The following SPATA31D1 variants were observed in gnomAD, a reference collection of about 807,000 sequenced individuals.
SPATA31D1 encodes SPATA31 subfamily D member 1, also known as spermatogenesis-associated protein 31D1.
SPATA31D1 carries 6 observed loss-of-function variants against 13.2 expected under a neutral mutation model. That is an observed-to-expected ratio of 0.46 (90% CI 0.25 to 0.90). SPATA31D1 has a LOEUF of 0.90. SPATA31D1 is among the 40% of genes least tolerant of loss of function. The pLI is 0.18. For missense variants in SPATA31D1, 2,445 were observed against 1,884.7 expected (o/e 1.30, Z -5.50); for synonymous variants, 903 against 718.8 (o/e 1.26, Z -4.10).
Position 81,990,778 on chromosome 9 carries a change from G to C in SPATA31D1, c.308G>C (p.Gly103Ala), listed in dbSNP as rs1286478884. Residue 103 changes from glycine (G) to alanine (A), a missense_variant, in exon 4 of 4, where the codon GGA becomes GCA. Transcript: ENST00000344803. ...TGTTCTGGTCCTGACTGCAGCTTTG[G>C]ACCTCCTGTTTCCTGCAGTCCTCGG... is the stretch of plus-strand genomic sequence containing the variant. ...RKLLSLLKSF[G>A]PPVSCSPRGQ... The C allele has an allele frequency of 6.2e-7, 1 of 1,608,552 alleles. No homozygotes were observed. The highest frequency in any genetic ancestry group is 8.5e-7 in the Non-Finnish European group (1 of 1,177,226).
chr9:81,994,139 T>C lies in SPATA31D1; in HGVS notation c.3669T>C (p.Thr1223=). 1 of 1,614,030 alleles carries C rather than the reference T, an allele frequency of 6.2e-7. No homozygotes were observed. Among genetic ancestry groups the C allele is most frequent in the South Asian group, 1.1e-5 (1 of 91,084 alleles). Reference sequence around the variant, plus strand: ...ATAGCCAACCTCAGAGCCATTTCACTGACATGTCTTTTGCCTTAGATAACT... The same window carrying C: ...ATAGCCAACCTCAGAGCCATTTCACCGACATGTCTTTTGCCTTAGATAACT... ...RKHSQPQSHF[T]DMSFALDNLS... The change falls in exon 4 of 4, where the codon ACT becomes ACC. Residue 1223 remains threonine, a synonymous_variant. Coordinates refer to ENST00000344803, the MANE Select transcript of SPATA31D1 (RefSeq NM_001001670.3).
Position 81,992,806 on chromosome 9 carries a change from C to T in SPATA31D1, c.2336C>T (p.Thr779Ile), listed in dbSNP as rs1469560281. Reference protein sequence around the residue: ...VGNYQGYSQETVPKDHLLHGP... With the variant: ...VGNYQGYSQEIVPKDHLLHGP... ...AATTATCAGGGATACAGCCAGGAGACTGTCCCAAAAGATCACCTGTTGCAT... is the reference window on the plus strand; with the variant it reads ...AATTATCAGGGATACAGCCAGGAGATTGTCCCAAAAGATCACCTGTTGCAT... Residue 779 changes from threonine (T) to isoleucine (I), a missense_variant, in exon 4 of 4, where the codon ACT becomes ATT. Thr to Ile is a moderately conservative substitution (Grantham distance 89). Coordinates refer to ENST00000344803, the MANE Select transcript of SPATA31D1 (RefSeq NM_001001670.3). 1.2e-6 allele frequency: 2 copies of T among 1,613,706 alleles called. No homozygotes were observed. The highest frequency in any genetic ancestry group is 1.7e-6 in the Non-Finnish European group (2 of 1,179,734).
At position 81,988,786 on chromosome 9, in the gene SPATA31D1, T is replaced by C. The variant is rs1168784741; in HGVS notation, c.-33T>C. On this transcript the variant is annotated 5_prime_UTR_variant, in exon 1 of 4. Coordinates refer to ENST00000344803, the MANE Select transcript of SPATA31D1 (RefSeq NM_001001670.3). The stretch of plus-strand genomic sequence containing the variant: ...AGTTAAGCCTGGGCACCCTCAGTGC[T>C]CAGTTGCTTCAGGCAGCTGAGCTAT... 1.9e-6 allele frequency: 3 copies of C among 1,611,992 alleles called. No homozygotes were observed. The highest frequency in any genetic ancestry group is 2.5e-6 in the Non-Finnish European group (3 of 1,179,672).
intron 1 of SPATA31D1, 122 bp from the exon 2 acceptor site, chr9:81,989,651 TATTTC>T: frequency 3.8e-6 from 4 of 1,055,672 alleles, no homozygotes; most frequent in Non-Finnish European, 5.5e-6. Context: ...AACAGGAACA[TATTTC>T]TATTAATTAA....
rs1228385085 is a variant in SPATA31D1, at chr9:81,994,540, C to G, written c.4070C>G (p.Ser1357Cys). ...ENLFRKWMKT[S>C]LQWFNKPSIS... is the part of the protein sequence containing the mutation. ...CTTTTCAGAAAATGGATGAAGACCT[C>G]TTTGCAGTGGTTTAATAAACCCAGC... Residue 1357 changes from serine (S) to cysteine (C), a missense_variant, in exon 4 of 4, where the codon TCT (serine) becomes TGT (cysteine). By Grantham distance (112) the Ser-to-Cys change is moderately radical. Transcript: ENST00000344803. 1.2e-6 allele frequency: 2 copies of G among 1,613,438 alleles called. No homozygotes were observed. Among genetic ancestry groups the G allele is most frequent in the South Asian group, 2.2e-5 (2 of 90,932 alleles).
In SPATA31D1 at chr9:81,991,092, T is replaced by G; in HGVS notation, c.622T>G (p.Leu208Val). 1.2e-6 allele frequency: 2 copies of G among 1,613,626 alleles called. No individual in the cohort carries two copies. The highest frequency in any genetic ancestry group is 2.2e-5 in the South Asian group (2 of 91,058). Residue 208 changes from leucine (L) to valine (V), a missense_variant, in exon 4 of 4, where the codon TTA becomes GTA. Transcript: ENST00000344803. ...LILSPDLITT[L>V]ADLFSPSPLR... ...TCTCTCACCTGACCTGATCACCACC[T>G]TAGCTGACTTATTTTCACCCTCACC...
Position 81,995,103 on chromosome 9 carries a change from A to T in SPATA31D1, c.4633A>T (p.Ser1545Cys), listed in dbSNP as rs1246315345. ...CCTGGTGTGTCCAGCCGTCCCAACC[A>T]GTGCTAAAAGCCCTGTGTTTAGTGA... ...VSLVCPAVPTSAKSPVFSDVP... is the reference protein window; with the variant it reads ...VSLVCPAVPTCAKSPVFSDVP... The change falls in exon 4 of 4, where the codon AGT becomes TGT. Residue 1545 changes from serine (S) to cysteine (C), a missense_variant. Physicochemically the swap from Ser to Cys is moderately radical, Grantham distance 112. Coordinates refer to ENST00000344803, the MANE Select transcript of SPATA31D1 (RefSeq NM_001001670.3). 2 of 1,609,546 alleles carry T rather than the reference A, an allele frequency of 1.2e-6. No homozygotes were observed. The highest frequency in any genetic ancestry group is 2.7e-5 in the African/African-American group (2 of 74,850).
rs1454471356 is a variant in SPATA31D1, at chr9:81,991,590, T to C, written c.1120T>C (p.Ser374Pro). 25 of 1,613,882 alleles carry C rather than the reference T, an allele frequency of 1.5e-5. No individual in the cohort carries two copies. In the Admixed American group the frequency reaches 4.0e-4, roughly 26 times the overall value. ...KDSFSSNFVP[S>P]DFMEELLTLH... Reference sequence around the variant, plus strand: ...CTCTTTTTCCTCTAATTTTGTGCCATCTGATTTCATGGAGGAGCTTCTTAC... The same window carrying C: ...CTCTTTTTCCTCTAATTTTGTGCCACCTGATTTCATGGAGGAGCTTCTTAC... The change falls in exon 4 of 4, where the codon TCT (serine) becomes CCT (proline). Residue 374 changes from serine to proline, a missense_variant. By Grantham distance (74) the Ser-to-Pro change is moderately conservative. Coordinates refer to ENST00000344803, the MANE Select transcript of SPATA31D1 (RefSeq NM_001001670.3).
rs1824915943 is a variant in SPATA31D1 at position 81,989,774 on chromosome 9, T to C, written c.187-4T>C. The C allele has an allele frequency of 6.2e-7, 1 of 1,613,564 alleles. No individual in the cohort carries two copies. Among genetic ancestry groups the C allele is most frequent in the Admixed American group, 1.7e-5 (1 of 59,984 alleles). ...GCCTGTCATTATCTGTCTTTTGTTC[T>C]CAGCATCAGGGCAGAGCCAAGAGGA... On this transcript the variant is annotated splice_polypyrimidine_tract_variant and splice_region_variant and intron_variant, in intron 1 of 3. Transcript: ENST00000344803.
Position 81,991,420 on chromosome 9 carries a change from G to A in SPATA31D1, c.950G>A (p.Ser317Asn), listed in dbSNP as rs184877684. ...TGCACTGTGACTCAGTCTAAATCAAGTCTCACCATCTTGAAGACTTTTCCG... is the reference window on the plus strand; with the variant it reads ...TGCACTGTGACTCAGTCTAAATCAAATCTCACCATCTTGAAGACTTTTCCG... ...EDCTVTQSKS[S>N]LTILKTFPEM... The change falls in exon 4 of 4, where the codon AGT becomes AAT. Residue 317 changes from serine (S) to asparagine (N), a missense_variant. Coordinates refer to ENST00000344803, the MANE Select transcript of SPATA31D1 (RefSeq NM_001001670.3). The A allele has an allele frequency of 4.0e-3, 6,254 of 1,566,672 alleles. No homozygotes were observed. In the African/African-American group the frequency reaches 0.051, roughly 13 times the overall value.
chr9:81,992,344 A>G lies in SPATA31D1; in HGVS notation c.1874A>G (p.Glu625Gly). 1 of 1,613,824 alleles carries G rather than the reference A, an allele frequency of 6.2e-7. No individual in the cohort carries two copies. ...SLLPSEINHL[E>G]WNVLQKVQES... ...TTGCCATCTGAAATTAACCATCTGG[A>G]GTGGAACGTGTTGCAGAAAGTGCAG... Residue 625 changes from glutamate (E) to glycine (G), a missense_variant, in exon 4 of 4, where the codon GAG (glutamate) becomes GGG (glycine). By Grantham distance (98) the Glu-to-Gly change is moderately conservative. Transcript: ENST00000344803.
Position 81,992,336 on chromosome 9 carries a change from C to A in SPATA31D1, c.1866C>A (p.Asn622Lys), listed in dbSNP as rs756346242. ...EARSLLPSEI[N>K]HLEWNVLQKV... The stretch of plus-strand genomic sequence containing the variant: ...GGTCTCTTTTGCCATCTGAAATTAA[C>A]CATCTGGAGTGGAACGTGTTGCAGA... Residue 622 changes from asparagine to lysine, a missense_variant, in exon 4 of 4, where the codon AAC becomes AAA. Coordinates refer to ENST00000344803, the MANE Select transcript of SPATA31D1 (RefSeq NM_001001670.3). 2 of 1,613,656 alleles carry A rather than the reference C, an allele frequency of 1.2e-6. No homozygotes were observed. Among genetic ancestry groups the A allele is most frequent in the African/African-American group, 2.7e-5 (2 of 74,894 alleles).
In SPATA31D1 at chr9:81,995,062, G is replaced by C. The variant is rs759456171; in HGVS notation, c.4592G>C (p.Cys1531Ser). 8 of 1,613,338 alleles carry C rather than the reference G, an allele frequency of 5.0e-6. No homozygotes were observed. In the East Asian group the frequency reaches 1.8e-4, roughly 36 times the overall value. ...RKPVPHPNPTCRRQVSLVCPA... is the reference protein window; with the variant it reads ...RKPVPHPNPTSRRQVSLVCPA... ...CCTGTGCCACATCCAAACCCCACTT[G>C]CCGGCGTCAGGTCAGCCTGGTGTGT... Residue 1531 changes from cysteine (C) to serine (S), a missense_variant, in exon 4 of 4, where the codon TGC becomes TCC. Cys to Ser is a moderately radical substitution (Grantham distance 112). Coordinates refer to ENST00000344803, the MANE Select transcript of SPATA31D1 (RefSeq NM_001001670.3).
rs369486510 is a variant in SPATA31D1 at position 81,993,065 on chromosome 9, G to A, written c.2595G>A (p.Glu865=). The A allele has an allele frequency of 1.7e-4, 272 of 1,613,692 alleles. No homozygotes were observed. Among genetic ancestry groups the A allele is most frequent in the Non-Finnish European group, 2.1e-4 (249 of 1,179,754 alleles). ...TCAAGCAGACAATGTCTCTTCCTGA[G>A]AAATCCCACAGCCAAATTAAACATC... is the stretch of plus-strand genomic sequence containing the variant. The part of the protein sequence containing the change: ...HSVKQTMSLP[E]KSHSQIKHRN... The change falls in exon 4 of 4, where the codon GAG becomes GAA. Residue 865 remains glutamate (E), a synonymous_variant. Transcript: ENST00000344803.
In SPATA31D1 at chr9:81,991,830, A is replaced by G. The variant is rs369318945; in HGVS notation, c.1360A>G (p.Met454Val). Residue 454 changes from methionine (M) to valine (V), a missense_variant, in exon 4 of 4, where the codon ATG becomes GTG. Coordinates refer to ENST00000344803, the MANE Select transcript of SPATA31D1 (RefSeq NM_001001670.3). ...CTACCAACTAAATTCCTCACGGAAT[A>G]TGTTAACCTCAATTGCTGTTAAGCA... is the stretch of plus-strand genomic sequence containing the variant. Reference protein sequence around the residue: ...PNYQLNSSRNMLTSIAVKHDL... With the variant: ...PNYQLNSSRNVLTSIAVKHDL... 2.5e-6 allele frequency: 4 copies of G among 1,613,718 alleles called. No homozygotes were observed. The highest frequency in any genetic ancestry group is 3.4e-6 in the Non-Finnish European group (4 of 1,179,738).
upstream of SPATA31D1, among the ~76,000 whole-genome samples, chr9:81,987,579 T>C (rs1483303075): frequency 6.6e-6 from 1 of 152,202 alleles, no homozygotes; most frequent in Non-Finnish European, 1.5e-5. Context: ...GTTCCAAAAG[T>C]GCTTGAACAG....
At chr9:81,988,149 G>A (rs1824886939), upstream of SPATA31D1, among the ~76,000 whole-genome samples, 1 of 152,134 alleles carries the variant, frequency 6.6e-6, no homozygotes, top group Non-Finnish European at 1.5e-5. Flanking sequence ...CTTATTGTTC[G>A]TTAATTTACA....
At position 81,994,469 on chromosome 9, in the gene SPATA31D1, G is replaced by A. The variant is rs531116765; in HGVS notation, c.3999G>A (p.Gly1333=). Residue 1333 remains glycine, a synonymous_variant, in exon 4 of 4, where the codon GGG becomes GGA. Transcript: ENST00000344803. ...VHNKTSGEVL[G]SKSSPTLKTQ... The stretch of plus-strand genomic sequence containing the variant: ...ACAAGACATCAGGGGAGGTGCTTGG[G>A]AGCAAATCTTCCCCAACCTTGAAAA... 13 of 1,613,336 alleles carry A rather than the reference G, an allele frequency of 8.1e-6. No homozygotes were observed. The East Asian group carries it at 2.9e-4, about 36-fold the overall frequency.
At chr9:81,988,228 T>A (rs1210104522), upstream of SPATA31D1, among the ~76,000 whole-genome samples, 12 of 152,246 alleles carry the variant, frequency 7.9e-5, no homozygotes, top group Non-Finnish European at 1.8e-4. Flanking sequence ...ACATTAGTTT[T>A]AATCATTTGA....
Sources: gnomAD v4.1 joint callset for allele counts (sites outside exome capture counted in the v4.1 genomes callset) on GRCh38, gnomAD v4.1.1 for gene constraint, MANE v1.5 for transcripts, NCBI Gene and HGNC (gene_info 2026-07-23, HGNC 2026-07-21) for gene names.